The following OAS3 variants were observed in gnomAD, a reference collection of about 807,000 sequenced individuals.
OAS3 encodes the protein 2'-5'-oligoadenylate synthase 3.
OAS3 carries 107 observed loss-of-function variants against 113.0 expected under a neutral mutation model. That is an observed-to-expected ratio of 0.95 (90% CI 0.81 to 1.11). The LOEUF (loss-of-function observed/expected upper bound fraction) is 1.11. Among genes scored for constraint, OAS3 ranks in the 50% most tolerant of loss-of-function variants. The pLI is 0.00. For synonymous variants in OAS3, 552 were observed against 573.6 expected, an observed-to-expected ratio of 0.96 and a Z score of 0.54; for missense variants, 1,258 against 1,389.1, an observed-to-expected ratio of 0.91 and a Z score of 1.50.
rs981725225 is a variant in OAS3 at position 112,944,419 on chromosome 12, G to A, written c.461-57G>A. The A allele has an allele frequency of 2.6e-5, 42 of 1,594,830 alleles. 1 individual carries two copies. The Middle Eastern group carries it at 5.1e-4, about 19-fold the overall frequency. Reference sequence around the variant, plus strand: ...CCAGGCTGAGCTCGGCACCAACACCGCCCTCCATCCTGTGTCCTCAGTGCC... The same window carrying A: ...CCAGGCTGAGCTCGGCACCAACACCACCCTCCATCCTGTGTCCTCAGTGCC... On this transcript the variant is annotated intron_variant, in intron 2 of 15. Transcript: ENST00000228928.
At chr12:112,964,610 C>T (rs2043918220) in intron 11 of OAS3, among the ~76,000 whole-genome samples, 1 of 151,812 alleles carries the variant, frequency 6.6e-6, no homozygotes, top group South Asian at 2.1e-4. Context: ...TTGCTAGTGA[C>T]ACCTAACTCA....
At chr12:112,951,271 A>T (rs932079855) in intron 7 of OAS3, among the ~76,000 whole-genome samples, 2 of 152,016 alleles carry the variant, frequency 1.3e-5, no homozygotes, top group African/African-American at 4.8e-5. Context: ...TCTGCTTGGT[A>T]TTTTTTTAAA....
In OAS3 at chr12:112,973,088, A is replaced by G. The variant is rs1406536679; in HGVS notation, c.*3115A>G. The G allele has an allele frequency of 6.6e-6, 1 of 152,228 alleles. No homozygotes were observed. Among genetic ancestry groups the G allele is most frequent in the East Asian group, 1.9e-4 (1 of 5,194 alleles). The allele number at this position is 152,228 out of a possible 1,614,324, so 9.4% of individuals were successfully genotyped here. On this transcript the variant is annotated 3_prime_UTR_variant, in exon 16 of 16. Coordinates refer to ENST00000228928, the MANE Select transcript of OAS3 (RefSeq NM_006187.4). ...GAGCCATATCACAGATGCATTCATCATAATAATTCCAGACATTTTCATCAC... is the reference window on the plus strand; with the variant it reads ...GAGCCATATCACAGATGCATTCATCGTAATAATTCCAGACATTTTCATCAC...
intron 13 of OAS3, 51 bp from the exon 14 acceptor site, chr12:112,967,885 T>C (rs2043949935): frequency 6.3e-7 from 1 of 1,577,696 alleles, no homozygotes; most frequent in African/African-American, 1.3e-5. Flanking sequence ...ATCCCTTCTG[T>C]ACCTCATCAG....
chr12:112,962,363 G>A (rs553056686), intron 8 of OAS3, among the ~76,000 whole-genome samples: 52 of 152,224 alleles, frequency 3.4e-4, no homozygotes, highest in Admixed American at 1.0e-3. Flanking sequence ...CAATGCTTCC[G>A]TCTTCAATTA....
rs2043972947 is a variant in OAS3, at chr12:112,970,239, C to T, written c.*266C>T. Reference sequence around the variant, plus strand: ...CAGCCTGCGTTTGCAGCTTCTCTGTCACTTCCATGACTCTATCCTCATACC... The same window carrying T: ...CAGCCTGCGTTTGCAGCTTCTCTGTTACTTCCATGACTCTATCCTCATACC... On this transcript the variant is annotated 3_prime_UTR_variant, in exon 16 of 16. Transcript: ENST00000228928. 1.8e-6 allele frequency: 1 copy of T among 563,142 alleles called. No individual in the cohort carries two copies. Among genetic ancestry groups the T allele is most frequent in the Non-Finnish European group, 3.2e-6 (1 of 312,958 alleles). 34.9% of individuals were successfully genotyped at this position (563,142 alleles called of 1,614,324 possible).
At position 112,950,728 on chromosome 12, in the gene OAS3, T is replaced by C; in HGVS notation, c.1410T>C (p.Asp470=). 1 of 1,614,020 alleles carries C rather than the reference T, an allele frequency of 6.2e-7. No individual in the cohort carries two copies. Among genetic ancestry groups the C allele is most frequent in the Non-Finnish European group, 8.5e-7 (1 of 1,179,888 alleles). ...GSFGRGTDLR[D]GCDVELIIFL... is the part of the protein sequence containing the mutation. ...TTGGCCGGGGCACAGACCTAAGGGA[T>C]GGCTGTGATGTTGAACTCATCATCT... The change falls in exon 7 of 16, where the codon GAT becomes GAC. Residue 470 remains aspartate (D), a synonymous_variant. Transcript: ENST00000228928.
chr12:112,942,070 T>C, intron 2 of OAS3: 1 of 626,054 alleles, frequency 1.6e-6, no homozygotes, highest in Non-Finnish European at 2.8e-6. Context: ...GCTGTCAAGA[T>C]GCTTGGCCCT....
In OAS3 at chr12:112,948,002, G is replaced by A. The variant is rs1728591315; in HGVS notation, c.932G>A (p.Trp311Ter). The change falls in exon 5 of 16, where the codon TGG becomes TAG. Residue 311 changes from tryptophan (W) to a stop codon, truncating the protein, a stop_gained. Coordinates refer to ENST00000228928, the MANE Select transcript of OAS3 (RefSeq NM_006187.4). LOFTEE classifies it high-confidence loss of function. Reference sequence around the variant, plus strand: ...TGGGACCTGGGGAATGGGGCAGCCTGGCACTGGGATTTGCTAGCCCAGGAG... The same window carrying A: ...TGGGACCTGGGGAATGGGGCAGCCTAGCACTGGGATTTGCTAGCCCAGGAG... ...PTWDLGNGAAWHWDLLAQEAA... is the reference protein window; with the variant it reads ...PTWDLGNGAA 1 of 1,603,154 alleles carries A rather than the reference G, an allele frequency of 6.2e-7. No homozygotes were observed. Among genetic ancestry groups the A allele is most frequent in the African/African-American group, 1.3e-5 (1 of 74,218 alleles).
At chr12:112,942,708 A>T (rs1055803556) in intron 2 of OAS3, among the ~76,000 whole-genome samples, 2 of 145,058 alleles carry the variant, frequency 1.4e-5, no homozygotes, top group Admixed American at 1.4e-4. Context: ...GACTCTTCTT[A>T]AAAAAAAAAA....
chr12:112,938,796 T>C (rs2043653696), intron 1 of OAS3, 89 bp downstream of exon 1: 1 of 1,062,710 alleles, frequency 9.4e-7, no homozygotes, highest in Non-Finnish European at 1.3e-6. Flanking sequence ...TGGGGGTGGC[T>C]TTATCCGCTT....
At position 112,949,348 on chromosome 12, in the gene OAS3, T is replaced by C. The variant is rs930488632; in HGVS notation, c.1374+143T>C. The C allele has an allele frequency of 5.7e-5, 37 of 646,184 alleles. No homozygotes were observed. The Middle Eastern group carries it at 1.2e-3, about 22-fold the overall frequency. The allele number at this position is 646,184 out of a possible 1,614,324, so 40.0% of individuals were successfully genotyped here. On this transcript the variant is annotated intron_variant, in intron 6 of 15. Transcript: ENST00000228928. The stretch of plus-strand genomic sequence containing the variant: ...ATGATTTGCTGGCTTAAATAAAATA[T>C]ATTTAAGTGCCAGCTTAGATTTTCT...
At chr12:112,941,482 C>G (rs111230015) in intron 1 of OAS3, 88 bp from the exon 2 acceptor site, 11 of 1,430,352 alleles carry the variant, frequency 7.7e-6, no homozygotes, top group Non-Finnish European at 9.7e-6. Context: ...CTCTCCCCAG[C>G]ACACTTGCCT....
At position 112,950,854 on chromosome 12, in the gene OAS3, GC is replaced by G; in HGVS notation, c.1539del (p.Ser514AlafsTer2). Reference protein sequence around the residue: ...QLESWWQDQVPSLSLQFPEQN... With the variant: ...QLESWWQDQVXSLSLQFPEQN... ...TAGAATCCTGGTGGCAGGACCAGGT[GC>G]CCAGCCTGAGCCTTCAGTTTCCTGA... On this transcript the variant is annotated frameshift_variant, in exon 7 of 16. Transcript: ENST00000228928. LOFTEE classifies it high-confidence loss of function. 1.2e-6 allele frequency: 2 copies of G among 1,614,050 alleles called. No individual in the cohort carries two copies. The highest frequency in any genetic ancestry group is 1.7e-6 in the Non-Finnish European group (2 of 1,179,890).
In OAS3 at chr12:112,953,506, A is replaced by C. The variant is rs547505874; in HGVS notation, c.1657+2531A>C. Among the ~76,000 whole-genome samples the C allele has an allele frequency of 7.2e-5, 11 of 152,298 alleles. No individual in the cohort carries two copies. In the East Asian group the frequency reaches 2.1e-3, roughly 29 times the overall value. On this transcript the variant is annotated intron_variant, in intron 7 of 15. Coordinates refer to ENST00000228928, the MANE Select transcript of OAS3 (RefSeq NM_006187.4). ...ATAATCCTTTGGGTATATACCCGGT[A>C]ATGGGATGGCTGGGTCAAATGGTAT...
intron 2 of OAS3, among the ~76,000 whole-genome samples, chr12:112,943,703 T>G (rs2043701772): frequency 6.6e-6 from 1 of 152,144 alleles, no homozygotes; most frequent in Non-Finnish European, 1.5e-5. Context: ...GTGCCCAGTA[T>G]GCAGTAAAAA....
chr12:112,939,437 A>T lies in OAS3; in HGVS notation c.177+730A>T, dbSNP rs564796745. On this transcript the variant is annotated intron_variant, in intron 1 of 15. Transcript: ENST00000228928. ...TGGGCTCAAGTTATTCTCACACCTC[A>T]GCCTCCCAAGTAGCTGGCACTACAG... Among the ~76,000 whole-genome samples, 114 of 147,432 alleles carry T rather than the reference A, an allele frequency of 7.7e-4. 2 individuals are homozygous for T. Among genetic ancestry groups the T allele is most frequent in the South Asian group, 4.1e-3 (19 of 4,614 alleles).
At position 112,943,677 on chromosome 12, in the gene OAS3, A is replaced by G. The variant is rs112409860; in HGVS notation, c.461-799A>G. On this transcript the variant is annotated intron_variant, in intron 2 of 15. Coordinates refer to ENST00000228928, the MANE Select transcript of OAS3 (RefSeq NM_006187.4). ...ATAGGGTTGTGGTGGGGATACATGT[A>G]AAGACCTTCTGTCCAGTGCCCAGTA... 4.6e-5 allele frequency among the ~76,000 whole-genome samples: 7 copies of G among 152,298 alleles called. 1 individual carries two copies. The highest frequency in any genetic ancestry group is 1.7e-4 in the African/African-American group (7 of 41,550).
chr12:112,944,651 G>T lies in OAS3; in HGVS notation c.636G>T (p.Gln212His). Residue 212 changes from glutamine (Q) to histidine (H), a missense_variant and splice_region_variant, in exon 3 of 16, where the codon CAG becomes CAT. Physicochemically the swap from Gln to His is conservative, Grantham distance 24. Coordinates refer to ENST00000228928, the MANE Select transcript of OAS3 (RefSeq NM_006187.4). ...TGCTGGTGAAGCACTGGTACCACCAGGTGAAGCCACTTGGAAGGGTTTCTC... is the reference window on the plus strand; with the variant it reads ...TGCTGGTGAAGCACTGGTACCACCATGTGAAGCCACTTGGAAGGGTTTCTC... The part of the protein sequence containing the change: ...LILLVKHWYH[Q>H]VCLQGLWKET... 6.2e-7 allele frequency: 1 copy of T among 1,613,980 alleles called. No homozygotes were observed. Among genetic ancestry groups the T allele is most frequent in the South Asian group, 1.1e-5 (1 of 91,084 alleles).
Sources: allele counts gnomAD v4.1 joint callset (sites outside exome capture counted in the v4.1 genomes callset), GRCh38; gene constraint gnomAD v4.1.1; transcripts MANE v1.5; gene names NCBI Gene and HGNC (gene_info 2026-07-23, HGNC 2026-07-21).